The following DAB1 variants were observed in gnomAD, a reference collection of about 807,000 sequenced individuals.
DAB1 encodes DAB adaptor protein 1, also known as disabled homolog 1.
DAB1 carries 15 observed loss-of-function variants against 64.6 expected under a neutral mutation model. The ratio of observed to expected loss-of-function variants is 0.23; its 90% confidence interval spans 0.16 to 0.36. The LOEUF (loss-of-function observed/expected upper bound fraction) is 0.36, where lower values mean the gene tolerates loss of function less well. Ranked by LOEUF, DAB1 falls within the 10% of genes least tolerant of loss-of-function variation. The pLI, the probability that DAB1 is intolerant of heterozygous loss-of-function variation, is 1.00. For synonymous variants in DAB1, 235 were observed against 251.9 expected (o/e 0.93, Z 0.64); for missense variants, 596 against 706.7 (o/e 0.84, Z 1.78).
chr1:58,180,357 A>G (rs1656725087), intron 4 of DAB1, among the ~76,000 whole-genome samples: 2 of 128,984 alleles, frequency 1.6e-5, no homozygotes, highest in African/African-American at 6.1e-5. Context: ...CAGTGGTGTA[A>G]TAACAGCTCA....
intron 3 of DAB1, among the ~76,000 whole-genome samples, chr1:58,484,740 A>C (rs1557435607): frequency 6.6e-6 from 1 of 152,236 alleles, no homozygotes; most frequent in Non-Finnish European, 1.5e-5. Context: ...TCTAAGAAGA[A>C]ATTAGCTATC....
chr1:57,036,594 G>A (rs1647161254), intron 9 of DAB1, among the ~76,000 whole-genome samples: 1 of 152,078 alleles, frequency 6.6e-6, no homozygotes, highest in South Asian at 2.1e-4. Flanking sequence ...TACCACTTGA[G>A]TTCTAATTCA....
At chr1:58,283,012 T>C (rs1260840386) in intron 4 of DAB1, among the ~76,000 whole-genome samples, 1 of 141,272 alleles carries the variant, frequency 7.1e-6, no homozygotes, top group South Asian at 2.4e-4. Context: ...CCCACCCCAA[T>C]TGCCTTTCAC....
intron 5 of DAB1, among the ~76,000 whole-genome samples, chr1:57,982,000 T>G (rs1328111354): frequency 6.6e-6 from 1 of 152,206 alleles, no homozygotes; most frequent in Non-Finnish European, 1.5e-5. Flanking sequence ...GCATACTGCC[T>G]TTGGATCAAC....
intron 7 of DAB1, among the ~76,000 whole-genome samples, chr1:57,451,146 T>G (rs1009306706): frequency 1.3e-5 from 2 of 152,178 alleles, no homozygotes; most frequent in African/African-American, 4.8e-5. Context: ...GGCCCCAGAT[T>G]CCACCAGGAC....
intron 3 of DAB1, among the ~76,000 whole-genome samples, chr1:58,453,347 C>T (rs994220777): frequency 1.3e-5 from 2 of 152,052 alleles, no homozygotes; most frequent in African/African-American, 4.8e-5. Context: ...GAAAGGAAGT[C>T]GACTTGACTG....
chr1:57,376,905 C>T (rs1209147055), intron 1 of DAB1, among the ~76,000 whole-genome samples: 4 of 152,152 alleles, frequency 2.6e-5, no homozygotes, highest in African/African-American at 7.2e-5. Context: ...CATATATGTA[C>T]AGAGAACTCA....
At chr1:58,382,353 C>T (rs1411796252) in intron 3 of DAB1, among the ~76,000 whole-genome samples, 1 of 152,188 alleles carries the variant, frequency 6.6e-6, no homozygotes, top group Non-Finnish European at 1.5e-5. Flanking sequence ...ATAGTCACAG[C>T]ATAAGCTACA....
intron 6 of DAB1, among the ~76,000 whole-genome samples, chr1:57,714,153 C>A (rs1647057499): frequency 7.1e-6 from 1 of 140,146 alleles, no homozygotes; most frequent in South Asian, 2.2e-4. Context: ...TTACTACTTG[C>A]CAGCTCCTGT....
In DAB1 at chr1:57,000,296, G is replaced by A. The variant is rs182184397; in HGVS notation, c.*16-2168C>T. 2.3e-3 allele frequency among the ~76,000 whole-genome samples: 357 copies of A among 152,002 alleles called. 1 individual carries two copies. The highest frequency in any genetic ancestry group is 7.9e-3 in the African/African-American group (329 of 41,450). On this transcript the variant is annotated intron_variant, in intron 14 of 14. Coordinates refer to ENST00000371236, the MANE Select transcript of DAB1 (RefSeq NM_001365792.1). Reference sequence around the variant, plus strand: ...CCTGACCTTGTGATCCGCCCACCTCGGCCTCCCAAAGTGCTGAGATTACAG... The same window carrying A: ...CCTGACCTTGTGATCCGCCCACCTCAGCCTCCCAAAGTGCTGAGATTACAG...
chr1:57,568,908 C>T (rs370572000), intron 7 of DAB1, among the ~76,000 whole-genome samples: 2 of 152,162 alleles, frequency 1.3e-5, no homozygotes, highest in Non-Finnish European at 2.9e-5. Flanking sequence ...TACCATTTGA[C>T]CCAGCCATCC....
intron 2 of DAB1, among the ~76,000 whole-genome samples, chr1:57,192,723 T>C (rs377392238): frequency 6.6e-6 from 1 of 152,188 alleles, no homozygotes; most frequent in African/African-American, 2.4e-5. Context: ...ATCGATGACA[T>C]GCAGGTGGGC....
At chr1:57,174,724 A>G (rs183728656) in intron 2 of DAB1, among the ~76,000 whole-genome samples, 1 of 152,274 alleles carries the variant, frequency 6.6e-6, no homozygotes, top group African/African-American at 2.4e-5. Context: ...TCACTATCTG[A>G]TGCTGGCTCT....
intron 3 of DAB1, among the ~76,000 whole-genome samples, chr1:58,352,415 A>T (rs1644066678): frequency 6.6e-6 from 1 of 152,180 alleles, no homozygotes; most frequent in Non-Finnish European, 1.5e-5. Flanking sequence ...AGAATTAGTC[A>T]CCTGCTAATA....
intron 4 of DAB1, among the ~76,000 whole-genome samples, chr1:57,110,712 C>T (rs1655577876): frequency 1.3e-5 from 2 of 152,184 alleles, no homozygotes; most frequent in Non-Finnish European, 2.9e-5. Context: ...ACCATTATTA[C>T]AGCAATCATT....
At chr1:57,103,364 C>T (rs550781937) in intron 4 of DAB1, among the ~76,000 whole-genome samples, 2 of 152,288 alleles carry the variant, frequency 1.3e-5, no homozygotes, top group East Asian at 3.9e-4. Context: ...CCAGATCTCC[C>T]AGGCTGGGCT....
At chr1:57,674,707 T>C (rs1646545891) in intron 6 of DAB1, among the ~76,000 whole-genome samples, 1 of 152,178 alleles carries the variant, frequency 6.6e-6, no homozygotes, top group Non-Finnish European at 1.5e-5. Flanking sequence ...CCAATATAAA[T>C]ACTATTTCGG....
intron 1 of DAB1, among the ~76,000 whole-genome samples, chr1:57,877,997 G>A (rs114339418): frequency 0.021 from 3,160 of 152,110 alleles, 59 homozygotes; most frequent in Non-Finnish European, 0.031. Context: ...ATATCTTAAC[G>A]CACTGTCTTT....
chr1:58,462,113 CTTTTT>C (rs1168740907), intron 3 of DAB1, among the ~76,000 whole-genome samples: 1 of 54,264 alleles, frequency 1.8e-5, no homozygotes, highest in Non-Finnish European at 3.4e-5. Flanking sequence ...GAGAAGGTTT[CTTTTT>C]TTTTTTTTTT....
Sources: allele counts gnomAD v4.1 joint callset (sites outside exome capture counted in the v4.1 genomes callset), GRCh38; gene constraint gnomAD v4.1.1; transcripts MANE v1.5; gene names NCBI Gene and HGNC (gene_info 2026-07-23, HGNC 2026-07-21).